Variants in CCDC91 observed in about 807,000 individuals in gnomAD.
The protein encoded by CCDC91 is coiled-coil domain containing 91.
In CCDC91, 48 loss-of-function variants were observed where a neutral mutation model predicts 63.2. The observed-to-expected ratio is 0.76, with a 90% CI of 0.60 to 0.97. The LOEUF is 0.97. Ranked by LOEUF, CCDC91 falls within the 50% of genes least tolerant of loss-of-function variation. CCDC91 has a pLI of 0.00. For synonymous variants in CCDC91, 167 were observed against 165.8 expected, an observed-to-expected ratio of 1.01 and a Z score of -0.06; for missense variants, 500 against 494.6, an observed-to-expected ratio of 1.01 and a Z score of -0.10.
intron 12 of CCDC91, among the ~76,000 whole-genome samples, chr12:28,509,500 A>C (rs1280784908): frequency 6.6e-6 from 1 of 151,902 alleles, no homozygotes; most frequent in Non-Finnish European, 1.5e-5. Context: ...TCTAGGTAGG[A>C]GTATAATACA....
At chr12:28,230,059 C>T (rs1197515799) in intron 1 of CCDC91, among the ~76,000 whole-genome samples, 2 of 152,088 alleles carry the variant, frequency 1.3e-5, no homozygotes, top group African/African-American at 4.8e-5. Context: ...TTTAACATTG[C>T]ATTGTACTTC....
intron 6 of CCDC91, among the ~76,000 whole-genome samples, chr12:28,310,765 A>G (rs1939240441): frequency 6.6e-6 from 1 of 152,022 alleles, no homozygotes; most frequent in South Asian, 2.1e-4. Flanking sequence ...TTTCAGTTCT[A>G]AAATTTCCAT....
Position 28,351,881 on chromosome 12 carries a change from CT to C in CCDC91, c.577-10555del, listed in dbSNP as rs1216242347. On this transcript the variant is annotated intron_variant, in intron 6 of 12. Coordinates refer to ENST00000536442, the MANE Select transcript of CCDC91 (RefSeq NM_018318.5). ...CTCTTAGTACACCATTTTCAAAAACCTTGTGAATCCTCTGAGTTAAGGGGAT... is the reference window on the plus strand; with the variant it reads ...CTCTTAGTACACCATTTTCAAAAACCTGTGAATCCTCTGAGTTAAGGGGAT... Among the ~76,000 whole-genome samples, 5 of 152,080 alleles carry C rather than the reference CT, an allele frequency of 3.3e-5. No individual in the cohort carries two copies. The East Asian group carries it at 9.6e-4, about 29-fold the overall frequency.
chr12:28,494,369 A>G (rs1176219549), intron 12 of CCDC91, among the ~76,000 whole-genome samples: 1 of 151,694 alleles, frequency 6.6e-6, no homozygotes, highest in Admixed American at 6.6e-5. Context: ...AAATACCACA[A>G]AGAGTTCCAC....
chr12:28,490,176 CTT>C (rs1480007583), intron 12 of CCDC91, among the ~76,000 whole-genome samples: 2 of 151,844 alleles, frequency 1.3e-5, no homozygotes, highest in Admixed American at 6.6e-5. Context: ...CCTAATTACT[CTT>C]GCTTCTATCC....
chr12:28,418,345 A>G (rs1947804278), intron 8 of CCDC91, among the ~76,000 whole-genome samples: 1 of 152,160 alleles, frequency 6.6e-6, no homozygotes, highest in Admixed American at 6.6e-5. Flanking sequence ...TAAAAATGAA[A>G]TAAAACATTC....
chr12:28,423,785 T>C (rs1948150135), intron 8 of CCDC91, among the ~76,000 whole-genome samples: 1 of 152,154 alleles, frequency 6.6e-6, no homozygotes, highest in Non-Finnish European at 1.5e-5. Context: ...TGTAATTTAA[T>C]TGTGTGTAAT....
chr12:28,219,395 A>C (rs1265029043), intron 1 of CCDC91, among the ~76,000 whole-genome samples: 1 of 151,668 alleles, frequency 6.6e-6, no homozygotes, highest in Non-Finnish European at 1.5e-5. Flanking sequence ...GCCTTTTTAT[A>C]TATTCTCAAC....
intron 6 of CCDC91, among the ~76,000 whole-genome samples, chr12:28,326,099 CT>C (rs1592315395): frequency 6.6e-6 from 1 of 151,970 alleles, no homozygotes; most frequent in African/African-American, 2.4e-5. Flanking sequence ...GTTTTTTTGT[CT>C]AAGAGATATT....
intron 11 of CCDC91, among the ~76,000 whole-genome samples, chr12:28,473,219 A>G (rs1950910286): frequency 6.6e-6 from 1 of 152,180 alleles, no homozygotes; most frequent in African/African-American, 2.4e-5. Context: ...CTGAGCTCAA[A>G]AACAATCACA....
chr12:28,519,125 G>A (rs549943824), intron 12 of CCDC91, among the ~76,000 whole-genome samples: 86 of 151,884 alleles, frequency 5.7e-4, no homozygotes, highest in Non-Finnish European at 1.1e-3. Context: ...TGAATTTGTA[G>A]ATTGCTTTTG....
intron 1 of CCDC91, among the ~76,000 whole-genome samples, chr12:28,202,157 T>G (rs1421314607): frequency 6.6e-6 from 1 of 152,234 alleles, no homozygotes; most frequent in Non-Finnish European, 1.5e-5. Flanking sequence ...TGAGATATTG[T>G]TATCATACTT....
chr12:28,343,675 A>G (rs752139103), intron 6 of CCDC91, among the ~76,000 whole-genome samples: 9 of 152,168 alleles, frequency 5.9e-5, no homozygotes, highest in Non-Finnish European at 1.0e-4. Flanking sequence ...TTCTGGTTCT[A>G]TAATTATACA....
At chr12:28,544,929 A>C (rs1346656106) in intron 12 of CCDC91, among the ~76,000 whole-genome samples, 1 of 152,086 alleles carries the variant, frequency 6.6e-6, no homozygotes, top group Non-Finnish European at 1.5e-5. Context: ...CAAGCTTAAT[A>C]AAATTAAAAA....
At chr12:28,295,235 A>G (rs1187829641) in intron 3 of CCDC91, among the ~76,000 whole-genome samples, 1 of 152,112 alleles carries the variant, frequency 6.6e-6, no homozygotes, top group Admixed American at 6.5e-5. Flanking sequence ...TGATTATAAC[A>G]TTTGCCTGGT....
chr12:28,235,722 G>A (rs1944900977), intron 1 of CCDC91, among the ~76,000 whole-genome samples: 2 of 152,078 alleles, frequency 1.3e-5, no homozygotes, highest in African/African-American at 4.8e-5. Flanking sequence ...TACAGTATGA[G>A]ATAATTTTGT....
intron 3 of CCDC91, among the ~76,000 whole-genome samples, chr12:28,301,578 TGTA>T (rs887781098): frequency 6.6e-6 from 1 of 151,684 alleles, no homozygotes; most frequent in Non-Finnish European, 1.5e-5. Flanking sequence ...TTATGTTAAT[TGTA>T]GTGTTAATGA....
At chr12:28,492,455 G>A (rs968746345) in intron 12 of CCDC91, among the ~76,000 whole-genome samples, 2 of 151,600 alleles carry the variant, frequency 1.3e-5, no homozygotes, top group African/African-American at 4.8e-5. Context: ...AAATCAGATG[G>A]TAGAAATTAT....
At chr12:28,425,821 C>T (rs1948284053) in intron 8 of CCDC91, among the ~76,000 whole-genome samples, 1 of 152,128 alleles carries the variant, frequency 6.6e-6, no homozygotes. Flanking sequence ...CTTCCCCAGA[C>T]CTACTGTATC....
Sources: allele counts gnomAD v4.1 joint callset (sites outside exome capture counted in the v4.1 genomes callset), GRCh38; gene constraint gnomAD v4.1.1; transcripts MANE v1.5; gene names NCBI Gene and HGNC (gene_info 2026-07-23, HGNC 2026-07-21).